DCAF4: variants seen among roughly 807,000 people sequenced by gnomAD.
DCAF4 encodes DDB1 and CUL4 associated factor 4.
DCAF4 carries 37 observed loss-of-function variants against 60.9 expected under a neutral mutation model. That is an observed-to-expected ratio of 0.61 (90% CI 0.47 to 0.80). The LOEUF is 0.80. Ranked by LOEUF, DCAF4 falls within the 30% of genes least tolerant of loss-of-function variation. The pLI is 0.00. For missense variants in DCAF4, 577 were observed against 650.0 expected, an observed-to-expected ratio of 0.89 and a Z score of 1.22; for synonymous variants, 243 against 254.8, an observed-to-expected ratio of 0.95 and a Z score of 0.44.
At chr14:72,938,205 A>C (rs779962191) in intron 2 of DCAF4, 135 bp downstream of exon 2, 6 of 1,250,774 alleles carry the variant, frequency 4.8e-6, no homozygotes, top group Non-Finnish European at 6.4e-6. Context: ...TGTAGGTCTG[A>C]GGGGTCTTGA....
At chr14:72,929,462 CA>C (rs1263838024) in intron 1 of DCAF4, 2 of 607,692 alleles carry the variant, frequency 3.3e-6, no homozygotes, top group Non-Finnish European at 2.9e-6. Flanking sequence ...AACGCTGCGC[CA>C]AGGCAGGAGG....
chr14:72,936,665 G>A (rs528425767), intron 1 of DCAF4, among the ~76,000 whole-genome samples: 1 of 152,268 alleles, frequency 6.6e-6, no homozygotes, highest in South Asian at 2.1e-4. Flanking sequence ...TCGGGGGTTA[G>A]AGAGAAATCA....
At chr14:72,958,351 G>A (rs1769572175) in intron 13 of DCAF4, among the ~76,000 whole-genome samples, 1 of 152,236 alleles carries the variant, frequency 6.6e-6, no homozygotes, top group South Asian at 2.1e-4. Flanking sequence ...GTGACATCAA[G>A]AGCAGCAGAA....
At chr14:72,929,561 A>G in intron 1 of DCAF4, 1 of 854,192 alleles carries the variant, frequency 1.2e-6, no homozygotes, top group Non-Finnish European at 1.9e-6. Flanking sequence ...TTTTTATTTT[A>G]TTTTTCCGTC....
rs569209028 is a variant in DCAF4, at chr14:72,940,496, G to A, written c.351+119G>A. On this transcript the variant is annotated intron_variant, in intron 4 of 13. Coordinates refer to ENST00000358377, the MANE Select transcript of DCAF4 (RefSeq NM_015604.4). ...GACACTTAGCAGAGGCACTTCAGGG[G>A]GTGTGGCCCTAGCTTTTCCCTGACA... 1.8e-3 allele frequency: 1,885 copies of A among 1,064,682 alleles called. 4 individuals are homozygous for A. The highest frequency in any genetic ancestry group is 4.1e-3 in the South Asian group (207 of 50,994). The allele number at this position is 1,064,682 out of a possible 1,614,324, so 66.0% of individuals were successfully genotyped here. A position where few individuals can be genotyped will look rare whatever the true frequency, so the allele number is the denominator to read the frequency against.
Position 72,954,400 on chromosome 14 carries a change from G to T in DCAF4, c.922G>T (p.Val308Phe), listed in dbSNP as rs752860092. The change falls in exon 11 of 14, where the codon GTC becomes TTC. Residue 308 changes from valine to phenylalanine, a missense_variant. By Grantham distance (50) the Val-to-Phe change is conservative. Transcript: ENST00000358377. ...NCFSTGLSRR[V>F]LLTNVVTGHR... ...GTCTCCGCCAGGCTTGTCTCGGCGGGTCCTGTTGACCAACGTGGTGACGGG... is the reference window on the plus strand; with the variant it reads ...GTCTCCGCCAGGCTTGTCTCGGCGGTTCCTGTTGACCAACGTGGTGACGGG... The T allele has an allele frequency of 1.3e-5, 21 of 1,614,164 alleles. No individual in the cohort carries two copies. The highest frequency in any genetic ancestry group is 1.8e-5 in the Non-Finnish European group (21 of 1,180,010).
chr14:72,940,801 G>A (rs552965423), intron 4 of DCAF4, among the ~76,000 whole-genome samples: 2 of 151,712 alleles, frequency 1.3e-5, no homozygotes, highest in South Asian at 4.2e-4. Flanking sequence ...ATGTTGGCCA[G>A]GTTGGTCTTG....
intron 9 of DCAF4, among the ~76,000 whole-genome samples, chr14:72,952,587 A>G (rs1357022213): frequency 6.6e-6 from 1 of 151,904 alleles, no homozygotes; most frequent in African/African-American, 2.4e-5. Flanking sequence ...AGTAATTTTT[A>G]GTGTTGGAGG....
At position 72,959,684 on chromosome 14, in the gene DCAF4, G is replaced by A. The variant is rs1297063961; in HGVS notation, c.*879G>A. On this transcript the variant is annotated 3_prime_UTR_variant, in exon 14 of 14. Transcript: ENST00000358377. The stretch of plus-strand genomic sequence containing the variant: ...ATGCACTTCTGTGAATGACTTAGGA[G>A]ATCATGAGCTTGGGCTGCTGGGACC... The A allele has an allele frequency of 2.0e-6, 2 of 984,562 alleles. No homozygotes were observed. Among genetic ancestry groups the A allele is most frequent in the Non-Finnish European group, 2.4e-6 (2 of 829,260 alleles). 61.0% of individuals were successfully genotyped at this position (984,562 alleles called of 1,614,324 possible).
At chr14:72,961,513 C>T (rs1892820201), downstream of DCAF4, among the ~76,000 whole-genome samples, 4 of 152,218 alleles carry the variant, frequency 2.6e-5, no homozygotes, top group South Asian at 4.1e-4. Flanking sequence ...GGGTCAGAGA[C>T]AAGGGTGAGA....
intron 1 of DCAF4, among the ~76,000 whole-genome samples, chr14:72,931,217 A>C (rs1300267137): frequency 6.7e-6 from 1 of 149,754 alleles, no homozygotes; most frequent in Non-Finnish European, 1.5e-5. Flanking sequence ...TTCTGTGTAC[A>C]CGCCATATAT....
chr14:72,933,034 C>G (rs1218575613), intron 1 of DCAF4, among the ~76,000 whole-genome samples: 4 of 152,230 alleles, frequency 2.6e-5, no homozygotes, highest in Non-Finnish European at 4.4e-5. Flanking sequence ...CCACTGCACC[C>G]AGCCCTGGAT....
At chr14:72,932,880 TTTTCTTTC>T (rs142782008) in intron 1 of DCAF4, among the ~76,000 whole-genome samples, 2 of 151,362 alleles carry the variant, frequency 1.3e-5, no homozygotes, top group African/African-American at 2.4e-5. Flanking sequence ...AATAATTTTT[TTTTCTTTC>T]TTTCTTTCTT....
In DCAF4 at chr14:72,939,914, T is replaced by A. The variant is rs1319379674; in HGVS notation, c.193+12T>A. On this transcript the variant is annotated intron_variant, in intron 3 of 13. Transcript: ENST00000358377. ...CTCCTCTGTGCCAGGTAAGGCCACT[T>A]GCGGGGTGGGAATCCTGGCCCTTGC... is the stretch of plus-strand genomic sequence containing the variant. 6.3e-7 allele frequency: 1 copy of A among 1,591,948 alleles called. No homozygotes were observed. The highest frequency in any genetic ancestry group is 8.6e-7 in the Non-Finnish European group (1 of 1,169,248).
At chr14:72,947,040 CG>C in intron 7 of DCAF4, 101 bp from the exon 8 acceptor site, 1 of 1,454,480 alleles carries the variant, frequency 6.9e-7, no homozygotes, top group Non-Finnish European at 9.6e-7. Flanking sequence ...AGGAGCAGGA[CG>C]TGAAGAGAGA....
rs760105259 is a variant in DCAF4 at position 72,956,452 on chromosome 14, G to A, written c.1246G>A (p.Ala416Thr). 6.8e-6 allele frequency: 11 copies of A among 1,613,606 alleles called. No individual in the cohort carries two copies. The highest frequency in any genetic ancestry group is 2.2e-5 in the East Asian group (1 of 44,850). ...RQYEGHVNEY[A>T]YLPLHVHEEE... ...GTACGAAGGCCACGTGAATGAGTAC[G>A]CCTACCTGCCCCTGCATGTGCACGA... The change falls in exon 13 of 14, where the codon GCC becomes ACC. Residue 416 changes from alanine (A) to threonine (T), a missense_variant. Ala to Thr is a moderately conservative substitution (Grantham distance 58). Transcript: ENST00000358377.
chr14:72,947,251 G>A (rs961648438), intron 8 of DCAF4, 60 bp downstream of exon 8: 4 of 1,589,332 alleles, frequency 2.5e-6, no homozygotes, highest in African/African-American at 2.7e-5. Context: ...TTGGACCTGG[G>A]TATCTGTGGG....
chr14:72,939,954 G>GTGTGCTTGGA (rs1293594838), intron 3 of DCAF4, 52 bp downstream of exon 3: 1 of 1,490,190 alleles, frequency 6.7e-7, no homozygotes, highest in Admixed American at 2.2e-5. Context: ...AGGGAAGGCT[G>GTGTGCTTGGA]AGACCCGTTC....
At position 72,955,421 on chromosome 14, in the gene DCAF4, G is replaced by C. The variant is rs1315607044; in HGVS notation, c.1006-102G>C. The C allele has an allele frequency of 7.8e-6, 11 of 1,401,578 alleles. No individual in the cohort carries two copies. In the East Asian group the frequency reaches 2.5e-4, roughly 32 times the overall value. 86.8% of individuals were successfully genotyped at this position (1,401,578 alleles called of 1,614,324 possible). On this transcript the variant is annotated intron_variant, in intron 11 of 13. Coordinates refer to ENST00000358377, the MANE Select transcript of DCAF4 (RefSeq NM_015604.4). ...CAGCACGTGTCTAATCACACCGTCT[G>C]ACCCAGAGGCTGGAAGAGGGGTTGT...
Sources: allele counts gnomAD v4.1 joint callset (sites outside exome capture counted in the v4.1 genomes callset), GRCh38; gene constraint gnomAD v4.1.1; transcripts MANE v1.5; gene names NCBI Gene and HGNC (gene_info 2026-07-23, HGNC 2026-07-21).